Variants in SH3GL2 observed in about 807,000 individuals in gnomAD.
SH3GL2 encodes the protein endophilin-A1.
A neutral mutation model predicts 46.0 loss-of-function variants in SH3GL2; 24 were observed. The ratio of observed to expected loss-of-function variants is 0.52; its 90% CI spans 0.38 to 0.73. SH3GL2 has a LOEUF of 0.73. Ranked by LOEUF, SH3GL2 falls within the 30% of genes least tolerant of loss-of-function variation. The pLI is 0.00. For synonymous variants in SH3GL2, 196 were observed against 147.1 expected (o/e 1.33, Z -2.40); for missense variants, 413 against 424.2 (o/e 0.97, Z 0.23).
rs1030556303 is a variant in SH3GL2, at chr9:17,699,071, C to T, written c.46-47995C>T. 2.0e-5 allele frequency among the ~76,000 whole-genome samples: 3 copies of T among 148,408 alleles called. No individual in the cohort carries two copies. In the South Asian group the frequency reaches 6.4e-4, roughly 32 times the overall value. On this transcript the variant is annotated intron_variant, in intron 1 of 8. Transcript: ENST00000380607. Reference sequence around the variant, plus strand: ...TTGGGAGGCTGAGGCAGGGGAATCGCTTGAACCTCAGAGGCAGAGGTTGCA... The same window carrying T: ...TTGGGAGGCTGAGGCAGGGGAATCGTTTGAACCTCAGAGGCAGAGGTTGCA...
At chr9:17,614,177 T>A (rs986671748) in intron 1 of SH3GL2, among the ~76,000 whole-genome samples, 2 of 151,896 alleles carry the variant, frequency 1.3e-5, no homozygotes, top group Non-Finnish European at 2.9e-5. Context: ...CTAGGTGCTG[T>A]AAATTGCTGA....
At position 17,777,963 on chromosome 9, in the gene SH3GL2, G is replaced by A. The variant is rs1156465205; in HGVS notation, c.188-8418G>A. On this transcript the variant is annotated intron_variant, in intron 3 of 8. Transcript: ENST00000380607. ...TTAGTTTTATACTAGAGGCAGACTAGATATTTATAGCCGAACCCACCAACT... is the reference window on the plus strand; with the variant it reads ...TTAGTTTTATACTAGAGGCAGACTAAATATTTATAGCCGAACCCACCAACT... 2.0e-5 allele frequency among the ~76,000 whole-genome samples: 3 copies of A among 151,736 alleles called. No individual in the cohort carries two copies. In the Admixed American group the frequency reaches 2.0e-4, roughly 10 times the overall value.
chr9:17,717,394 A>T (rs950072250), intron 1 of SH3GL2, among the ~76,000 whole-genome samples: 2 of 151,622 alleles, frequency 1.3e-5, no homozygotes, highest in Non-Finnish European at 2.9e-5. Context: ...TATGAAATTA[A>T]TCTTTTTTCC....
At chr9:17,597,224 G>C (rs2134556638) in intron 1 of SH3GL2, among the ~76,000 whole-genome samples, 1 of 152,270 alleles carries the variant, frequency 6.6e-6, no homozygotes, top group Non-Finnish European at 1.5e-5. Context: ...TCAGATTTCA[G>C]CATTTAAAAA....
At chr9:17,704,514 C>T (rs925167633) in intron 1 of SH3GL2, among the ~76,000 whole-genome samples, 3 of 152,016 alleles carry the variant, frequency 2.0e-5, no homozygotes, top group African/African-American at 7.2e-5. Flanking sequence ...GGAGGCATCG[C>T]ATTACCTGAC....
At chr9:17,765,878 C>CCT (rs879913888) in intron 3 of SH3GL2, among the ~76,000 whole-genome samples, 4 of 152,206 alleles carry the variant, frequency 2.6e-5, no homozygotes, top group Non-Finnish European at 5.9e-5. Flanking sequence ...AGCCAACAGG[C>CCT]ACTGGGATAT....
rs1244698002 is a variant in SH3GL2, at chr9:17,655,952, G to T, written c.45+76665G>T. Among the ~76,000 whole-genome samples, 3 of 152,230 alleles carry T rather than the reference G, an allele frequency of 2.0e-5. No individual in the cohort carries two copies. In the East Asian group the frequency reaches 5.8e-4, roughly 29 times the overall value. On this transcript the variant is annotated intron_variant, in intron 1 of 8. Transcript: ENST00000380607. Reference sequence around the variant, plus strand: ...AAAAGTGCTTTTAAAGCCCAACTTGGCACATTTTAAGTCAAAATTAGGTTT... The same window carrying T: ...AAAAGTGCTTTTAAAGCCCAACTTGTCACATTTTAAGTCAAAATTAGGTTT...
Position 17,718,760 on chromosome 9 carries a change from T to C in SH3GL2, c.46-28306T>C, listed in dbSNP as rs528434674. 7.4e-4 allele frequency among the ~76,000 whole-genome samples: 112 copies of C among 152,176 alleles called. 1 individual carries two copies. Among genetic ancestry groups the C allele is most frequent in the African/African-American group, 2.1e-3 (88 of 41,562 alleles). On this transcript the variant is annotated intron_variant, in intron 1 of 8. Transcript: ENST00000380607. ...AAAATGCTAACTCCCAGGCCCCACC[T>C]CCAAATATTCTTATTTAGCAGTTCA...
intron 1 of SH3GL2, among the ~76,000 whole-genome samples, chr9:17,738,565 C>CAT (rs374528271): frequency 0.073 from 3,879 of 53,188 alleles, 263 homozygotes; most frequent in African/African-American, 0.15. Context: ...TATATACATA[C>CAT]ATATATATAT....
intron 1 of SH3GL2, among the ~76,000 whole-genome samples, chr9:17,715,786 T>C (rs932707802): frequency 1.3e-5 from 2 of 152,036 alleles, no homozygotes; most frequent in Non-Finnish European, 2.9e-5. Context: ...ATACACCTAA[T>C]ATACCAAACA....
rs368421839 is a variant in SH3GL2, at chr9:17,592,942, G to A, written c.45+13655G>A. Among the ~76,000 whole-genome samples the A allele has an allele frequency of 1.1e-4, 16 of 152,224 alleles. No homozygotes were observed. The South Asian group carries it at 2.1e-3, about 20-fold the overall frequency. On this transcript the variant is annotated intron_variant, in intron 1 of 8. Coordinates refer to ENST00000380607, the MANE Select transcript of SH3GL2 (RefSeq NM_003026.5). ...AAGGTTAAGTGGATCACCAAAGGCC[G>A]GTGATTTAATCAGTCATGCCTATGT...
intron 1 of SH3GL2, among the ~76,000 whole-genome samples, chr9:17,687,117 A>T (rs891516689): frequency 3.3e-5 from 5 of 152,138 alleles, no homozygotes; most frequent in African/African-American, 1.2e-4. Flanking sequence ...GTAAACTAGC[A>T]TTAAAAAATT....
At chr9:17,722,323 A>G (rs566275553) in intron 1 of SH3GL2, among the ~76,000 whole-genome samples, 3 of 152,244 alleles carry the variant, frequency 2.0e-5, no homozygotes, top group East Asian at 3.9e-4. Context: ...TATATGCAGT[A>G]CCAATATATT....
chr9:17,789,096 G>A (rs1019356228), intron 5 of SH3GL2, among the ~76,000 whole-genome samples: 3 of 152,184 alleles, frequency 2.0e-5, no homozygotes, highest in Admixed American at 6.5e-5. Flanking sequence ...TCTGTCATGG[G>A]CTGCAAAGGC....
chr9:17,651,995 A>G (rs896264844), intron 1 of SH3GL2, among the ~76,000 whole-genome samples: 9 of 152,152 alleles, frequency 5.9e-5, no homozygotes, highest in African/African-American at 1.9e-4. Context: ...CCTTTTCAAA[A>G]TACCACTTAG....
intron 1 of SH3GL2, among the ~76,000 whole-genome samples, chr9:17,737,378 GAATA>G (rs936445094): frequency 5.3e-5 from 8 of 151,964 alleles, no homozygotes; most frequent in African/African-American, 1.9e-4. Context: ...AAAAGTAAAT[GAATA>G]AATAAATAGA....
intron 1 of SH3GL2, among the ~76,000 whole-genome samples, chr9:17,686,852 G>C (rs912397486): frequency 6.7e-6 from 1 of 150,332 alleles, no homozygotes; most frequent in African/African-American, 2.4e-5. Flanking sequence ...TGACGAGTTA[G>C]TGGGTGCAGC....
At chr9:17,657,753 C>T (rs1403553240) in intron 1 of SH3GL2, among the ~76,000 whole-genome samples, 1 of 152,098 alleles carries the variant, frequency 6.6e-6, no homozygotes, top group Non-Finnish European at 1.5e-5. Flanking sequence ...AATGGTTGTT[C>T]TTACAAATGG....
At chr9:17,700,654 C>T (rs1357087168) in intron 1 of SH3GL2, among the ~76,000 whole-genome samples, 2 of 152,100 alleles carry the variant, frequency 1.3e-5, no homozygotes, top group Non-Finnish European at 2.9e-5. Context: ...AAATGTTTCT[C>T]TATTCTGTGC....
Sources: allele counts gnomAD v4.1 joint callset (sites outside exome capture counted in the v4.1 genomes callset), GRCh38; gene constraint gnomAD v4.1.1; transcripts MANE v1.5; gene names NCBI Gene and HGNC (gene_info 2026-07-23, HGNC 2026-07-21).